Variants in GALK2 observed in about 807,000 individuals in gnomAD.
The protein encoded by GALK2 is galactokinase 2, also known as N-acetylgalactosamine kinase.
Under a neutral mutation model 52.4 loss-of-function variants are expected in GALK2, and 36 were observed. The observed-to-expected ratio is 0.69, with a 90% confidence interval of 0.53 to 0.91. The LOEUF (loss-of-function observed/expected upper bound fraction) is 0.91, where lower values mean the gene tolerates loss of function less well. GALK2 is among the 40% of genes least tolerant of loss of function. The probability of loss-of-function intolerance (pLI) is 0.00; values close to 1 mark genes in which losing one functional copy is unlikely to be tolerated. For missense variants in GALK2, 579 were observed against 559.1 expected, an observed-to-expected ratio of 1.04 and a Z score of -0.36; for synonymous variants, 176 against 199.1, an observed-to-expected ratio of 0.88 and a Z score of 0.98.
In GALK2 at chr15:49,268,279, A is replaced by G. The variant is rs1374666090; in HGVS notation, c.505-13708A>G. 2.6e-5 allele frequency among the ~76,000 whole-genome samples: 4 copies of G among 152,320 alleles called. No homozygotes were observed. In the East Asian group the frequency reaches 7.7e-4, roughly 29 times the overall value. On this transcript the variant is annotated intron_variant, in intron 5 of 9. Coordinates refer to ENST00000560031, the MANE Select transcript of GALK2 (RefSeq NM_002044.4). ...TGAAGGAAACAGATTATGAGAGAGAACAGGGAGAACCCAATTTAAATGGGG... is the reference window on the plus strand; with the variant it reads ...TGAAGGAAACAGATTATGAGAGAGAGCAGGGAGAACCCAATTTAAATGGGG...
intron 1 of GALK2, among the ~76,000 whole-genome samples, chr15:49,177,154 C>A (rs1308499870): frequency 6.6e-6 from 1 of 151,814 alleles, no homozygotes; most frequent in Non-Finnish European, 1.5e-5. Context: ...AATTGAAGAA[C>A]CACCTTGTAA....
chr15:49,352,206 T>G (rs2042355944), intron 3 of GALK2, among the ~76,000 whole-genome samples: 1 of 152,020 alleles, frequency 6.6e-6, no homozygotes, highest in African/African-American at 2.4e-5. Context: ...AAAGCAAGAG[T>G]GAAACAGGCA....
rs1244774712 is a variant in GALK2 at position 49,170,392 on chromosome 15, G to GC, written c.53+19dup. 1.3e-6 allele frequency: 2 copies of GC among 1,577,780 alleles called. No homozygotes were observed. Among genetic ancestry groups the GC allele is most frequent in the Admixed American group, 3.7e-5 (2 of 54,514 alleles). ...ACATCCTAGGTGGGGGAGAGGAGAC[G>GC]CCGGGCTTTGGGATCTGCTGGGTTG... On this transcript the variant is annotated intron_variant, in intron 1 of 9. Coordinates refer to ENST00000560031, the MANE Select transcript of GALK2 (RefSeq NM_002044.4).
intron 3 of GALK2, chr15:49,366,672 G>A (rs1025218186): frequency 2.0e-6 from 3 of 1,521,270 alleles, no homozygotes; most frequent in Non-Finnish European, 2.7e-6. Context: ...GACAGCCGCC[G>A]CTGCGGCCCC....
intron 2 of GALK2, among the ~76,000 whole-genome samples, chr15:49,205,452 G>A (rs1418283688): frequency 6.6e-6 from 1 of 152,134 alleles, no homozygotes; most frequent in African/African-American, 2.4e-5. Context: ...TCACATTGTG[G>A]TTTTGATTTG....
intron 6 of GALK2, among the ~76,000 whole-genome samples, chr15:49,282,891 C>T (rs546596627): frequency 5.3e-5 from 8 of 152,156 alleles, no homozygotes; most frequent in African/African-American, 7.2e-5. Context: ...TTGGATGAGA[C>T]GCAACAGGCA....
At chr15:49,309,141 T>C (rs16962315) in intron 8 of GALK2, among the ~76,000 whole-genome samples, 4,668 of 152,284 alleles carry the variant, frequency 0.031, 186 homozygotes, top group Admixed American at 0.12. Flanking sequence ...TCCAATGTCA[T>C]ATCCAGACTG....
At chr15:49,178,974 C>T (rs1229175898) in intron 1 of GALK2, among the ~76,000 whole-genome samples, 1 of 152,088 alleles carries the variant, frequency 6.6e-6, no homozygotes, top group Non-Finnish European at 1.5e-5. Context: ...TAACTCTTTT[C>T]ATTCTTCTAT....
chr15:49,180,433 A>G (rs911792587), intron 1 of GALK2, among the ~76,000 whole-genome samples: 9 of 152,076 alleles, frequency 5.9e-5, no homozygotes, highest in Admixed American at 6.6e-5. Context: ...ACCCTTCTCT[A>G]CCTATAGCTT....
At chr15:49,343,655 A>G (rs2151246766) in intron 3 of GALK2, 1 of 152,336 alleles carries the variant, frequency 6.6e-6, no homozygotes, top group East Asian at 1.9e-4. Flanking sequence ...ATTTTACTCC[A>G]GGAGAGAAAT....
At position 49,292,483 on chromosome 15, in the gene GALK2, G is replaced by A. The variant is rs1161106065; in HGVS notation, c.913G>A (p.Gly305Arg). 2 of 1,613,992 alleles carry A rather than the reference G, an allele frequency of 1.2e-6. No homozygotes were observed. Among genetic ancestry groups the A allele is most frequent in the African/African-American group, 2.7e-5 (2 of 75,014 alleles). Residue 305 changes from glycine (G) to arginine (R), a missense_variant, in exon 8 of 10, where the codon GGA becomes AGA. Gly to Arg is a moderately radical substitution (Grantham distance 125). Transcript: ENST00000560031. Reference protein sequence around the residue: ...YNPEEICRCLGISLEELRTQI... With the variant: ...YNPEEICRCLRISLEELRTQI... ...CCCTGAGGAGATCTGCAGGTGTCTG[G>A]GAATTAGCCTGGAGGAACTCCGAAC...
intron 3 of GALK2, among the ~76,000 whole-genome samples, chr15:49,342,005 T>G (rs892329982): frequency 6.6e-6 from 1 of 152,222 alleles, no homozygotes; most frequent in Non-Finnish European, 1.5e-5. Context: ...ATGTATTTTC[T>G]GTGGTTGATG....
At chr15:49,286,326 A>T (rs1375615232) in intron 7 of GALK2, among the ~76,000 whole-genome samples, 1 of 152,180 alleles carries the variant, frequency 6.6e-6, no homozygotes, top group African/African-American at 2.4e-5. Flanking sequence ...TCCCTGTATC[A>T]CCTGCTCTGT....
intron 3 of GALK2, among the ~76,000 whole-genome samples, chr15:49,348,460 A>G (rs1242130213): frequency 6.6e-6 from 1 of 152,222 alleles, no homozygotes; most frequent in Admixed American, 6.5e-5. Context: ...ATGTGAGGCA[A>G]CCACCAAAAG....
intron 3 of GALK2, among the ~76,000 whole-genome samples, chr15:49,342,749 C>T (rs367922350): frequency 6.3e-4 from 96 of 152,188 alleles, no homozygotes; most frequent in African/African-American, 1.8e-3. Flanking sequence ...TTAGTGCTTG[C>T]GTGTCTGGAA....
At chr15:49,299,748 TTTCTTTC>T (rs2034871326) in intron 8 of GALK2, among the ~76,000 whole-genome samples, 1 of 117,800 alleles carries the variant, frequency 8.5e-6, no homozygotes, top group Non-Finnish European at 1.8e-5. Context: ...TCTTTCTTTC[TTTCTTTC>T]TTTCTTTCTT....
intron 8 of GALK2, among the ~76,000 whole-genome samples, chr15:49,295,976 T>TC (rs2034442131): frequency 1.3e-5 from 2 of 152,178 alleles, no homozygotes; most frequent in Admixed American, 1.3e-4. Context: ...GCAATTTGCT[T>TC]ATCAAACAAC....
At chr15:49,159,917 C>G (rs2141147131) in intron 1 of GALK2, among the ~76,000 whole-genome samples, 1 of 152,234 alleles carries the variant, frequency 6.6e-6, no homozygotes, top group Non-Finnish European at 1.5e-5. Context: ...CTAAATGCAG[C>G]TGTGTCTGTT....
intron 8 of GALK2, among the ~76,000 whole-genome samples, chr15:49,295,323 C>CTT (rs2034364973): frequency 6.9e-6 from 1 of 145,594 alleles, no homozygotes; most frequent in Non-Finnish European, 1.5e-5. Flanking sequence ...CTCTCTCTCT[C>CTT]TCTCTCTATC....
Sources: gnomAD v4.1 joint callset for allele counts (sites outside exome capture counted in the v4.1 genomes callset) on GRCh38, gnomAD v4.1.1 for gene constraint, MANE v1.5 for transcripts, NCBI Gene and HGNC (gene_info 2026-07-23, HGNC 2026-07-21) for gene names.